The following B3GALT1 variants were observed in gnomAD, a reference collection of about 807,000 sequenced individuals.
B3GALT1 encodes the protein UDP-Gal:betaGlcNAc beta 1,3-galactosyltransferase, polypeptide 1.
A neutral mutation model predicts 23.2 loss-of-function variants in B3GALT1; 10 were observed. The ratio of observed to expected loss-of-function variants is 0.43; its 90% CI spans 0.27 to 0.73. The LOEUF (loss-of-function observed/expected upper bound fraction) is 0.73, where lower values mean the gene tolerates loss of function less well. Ranked by LOEUF, B3GALT1 falls within the 30% of genes least tolerant of loss-of-function variation. B3GALT1 has a pLI of 0.21. For missense variants in B3GALT1, 299 were observed against 405.4 expected (o/e 0.74, Z 2.25); for synonymous variants, 156 against 141.5 (o/e 1.10, Z -0.73).
intron 2 of B3GALT1, among the ~76,000 whole-genome samples, chr2:167,599,932 C>T (rs1684844119): frequency 6.6e-6 from 1 of 152,084 alleles, no homozygotes; most frequent in Admixed American, 6.6e-5. Context: ...TGGAAAAAGA[C>T]AGCAATAAGC....
intron 3 of B3GALT1, among the ~76,000 whole-genome samples, chr2:167,809,093 G>A (rs1286027597): frequency 6.6e-6 from 1 of 152,140 alleles, no homozygotes; most frequent in African/African-American, 2.4e-5. Flanking sequence ...TGAGGCTTGT[G>A]CATTCGTCAC....
rs147882650 is a variant in B3GALT1, at chr2:167,453,297, T to C, written c.-510-36880T>C. Among the ~76,000 whole-genome samples the C allele has an allele frequency of 1.1e-3, 165 of 152,292 alleles. 1 individual carries two copies. Among genetic ancestry groups the C allele is most frequent in the African/African-American group, 3.9e-3 (163 of 41,560 alleles). ...ATATTATTGCATTCTGAGCCCCCAT[T>C]TTCTACACTAAAGCAGGTAATCCCA... On this transcript the variant is annotated intron_variant, in intron 1 of 4. Coordinates refer to ENST00000392690, the MANE Select transcript of B3GALT1 (RefSeq NM_020981.4).
chr2:167,357,877 G>T (rs1311433411), intron 1 of B3GALT1, among the ~76,000 whole-genome samples: 1 of 152,070 alleles, frequency 6.6e-6, no homozygotes, highest in Non-Finnish European at 1.5e-5. Flanking sequence ...ATAAACATTT[G>T]AATTCAGGAT....
intron 3 of B3GALT1, chr2:167,715,209 T>A: frequency 6.2e-7 from 1 of 1,613,988 alleles, no homozygotes. Flanking sequence ...TCATCATCCG[T>A]TGTGTCTTCT....
intron 1 of B3GALT1, among the ~76,000 whole-genome samples, chr2:167,432,280 G>C (rs1181014983): frequency 6.6e-6 from 1 of 152,146 alleles, no homozygotes; most frequent in Admixed American, 6.5e-5. Context: ...GGACACCAAT[G>C]GCTGTTGATC....
intron 1 of B3GALT1, among the ~76,000 whole-genome samples, chr2:167,383,209 T>C (rs968934444): frequency 2.0e-5 from 3 of 152,038 alleles, no homozygotes; most frequent in Non-Finnish European, 4.4e-5. Context: ...TTTTTTTTAA[T>C]TAGAGTTTAT....
chr2:167,542,835 A>T (rs1010626375), intron 2 of B3GALT1, among the ~76,000 whole-genome samples: 1 of 151,590 alleles, frequency 6.6e-6, no homozygotes, highest in African/African-American at 2.4e-5. Context: ...GAAAGAACTC[A>T]GGTAGATTCT....
chr2:167,443,563 G>A (rs1698931387), intron 1 of B3GALT1, among the ~76,000 whole-genome samples: 1 of 152,126 alleles, frequency 6.6e-6, no homozygotes, highest in African/African-American at 2.4e-5. Flanking sequence ...GTGGTTTGTA[G>A]TTCTCCTTGA....
At chr2:167,430,616 A>G (rs775301764) in intron 1 of B3GALT1, among the ~76,000 whole-genome samples, 3 of 88,204 alleles carry the variant, frequency 3.4e-5, no homozygotes, top group Non-Finnish European at 8.1e-5. Context: ...GAAGGATTCC[A>G]TGTTGGATGT....
At chr2:167,784,215 C>G (rs1220652580) in intron 3 of B3GALT1, among the ~76,000 whole-genome samples, 1 of 152,208 alleles carries the variant, frequency 6.6e-6, no homozygotes, top group Non-Finnish European at 1.5e-5. Flanking sequence ...CAGCCACCCC[C>G]ATCACTGCAT....
At chr2:167,533,081 G>A (rs926313386) in intron 2 of B3GALT1, among the ~76,000 whole-genome samples, 5 of 151,866 alleles carry the variant, frequency 3.3e-5, no homozygotes, top group African/African-American at 1.2e-4. Context: ...GGCTGGTCTC[G>A]AACACTTGAC....
intron 3 of B3GALT1, among the ~76,000 whole-genome samples, chr2:167,654,680 G>A (rs1044222497): frequency 6.6e-5 from 10 of 151,776 alleles, no homozygotes; most frequent in African/African-American, 9.7e-5. Context: ...TTTTTTTGTA[G>A]AGACAGGATC....
At chr2:167,740,614 G>A (rs1423161083) in intron 3 of B3GALT1, among the ~76,000 whole-genome samples, 26 of 152,102 alleles carry the variant, frequency 1.7e-4, no homozygotes, top group Non-Finnish European at 2.8e-4. Flanking sequence ...AATAAAAAGA[G>A]TATAAAATAG....
intron 3 of B3GALT1, among the ~76,000 whole-genome samples, chr2:167,718,691 G>A (rs144703968): frequency 1.2e-3 from 180 of 152,252 alleles, no homozygotes; most frequent in African/African-American, 4.0e-3. Context: ...AAAGAGTTGC[G>A]CAGAAGTGTG....
chr2:167,613,500 A>G (rs1393778421), intron 2 of B3GALT1, among the ~76,000 whole-genome samples: 4 of 151,590 alleles, frequency 2.6e-5, no homozygotes, highest in Non-Finnish European at 5.9e-5. Context: ...TGAAAACCCA[A>G]TACCAGATAT....
intron 3 of B3GALT1, among the ~76,000 whole-genome samples, chr2:167,693,803 C>T (rs1686751435): frequency 6.6e-6 from 1 of 152,064 alleles, no homozygotes; most frequent in African/African-American, 2.4e-5. Context: ...CATCTCCAAC[C>T]CTCTCAGATT....
At chr2:167,496,959 A>G (rs1699791082) in intron 2 of B3GALT1, among the ~76,000 whole-genome samples, 3 of 152,182 alleles carry the variant, frequency 2.0e-5, no homozygotes, top group Non-Finnish European at 4.4e-5. Flanking sequence ...TAGTTAAATG[A>G]TGAGTTAATG....
rs1251695970 is a variant in B3GALT1 at position 167,623,176 on chromosome 2, T to A, written c.-409-23733T>A. Reference sequence around the variant, plus strand: ...ACACTTTTACACTGTTGGTGGGAGTTGCAAATTAACTCAACCATTGTGGAA... The same window carrying A: ...ACACTTTTACACTGTTGGTGGGAGTAGCAAATTAACTCAACCATTGTGGAA... On this transcript the variant is annotated intron_variant, in intron 2 of 4. Coordinates refer to ENST00000392690, the MANE Select transcript of B3GALT1 (RefSeq NM_020981.4). Among the ~76,000 whole-genome samples the A allele has an allele frequency of 5.3e-5, 8 of 151,890 alleles. No individual in the cohort carries two copies. The East Asian group carries it at 1.4e-3, about 26-fold the overall frequency.
At chr2:167,648,568 CTT>C (rs1685797650) in intron 3 of B3GALT1, among the ~76,000 whole-genome samples, 1 of 152,088 alleles carries the variant, frequency 6.6e-6, no homozygotes, top group African/African-American at 2.4e-5. Flanking sequence ...ATAGATTTCT[CTT>C]GTGTTCAGAT....
Sources: allele counts gnomAD v4.1 joint callset (sites outside exome capture counted in the v4.1 genomes callset), GRCh38; gene constraint gnomAD v4.1.1; transcripts MANE v1.5; gene names NCBI Gene and HGNC (gene_info 2026-07-23, HGNC 2026-07-21).